CEP63: variants seen among roughly 807,000 people sequenced by gnomAD.
The protein encoded by CEP63 is centrosomal protein 63, also known as centrosomal protein of 63 kDa.
Under a neutral mutation model 89.1 loss-of-function variants are expected in CEP63, and 84 were observed. The observed-to-expected ratio is 0.94, with a 90% CI of 0.79 to 1.13. The LOEUF is 1.13. Among genes scored for constraint, CEP63 ranks in the 50% most tolerant of loss-of-function variants. The pLI is 0.00. For missense variants in CEP63, 838 were observed against 813.3 expected (o/e 1.03, Z -0.37); for synonymous variants, 267 against 272.5 (o/e 0.98, Z 0.20).
the CEP63 span, among the ~76,000 whole-genome samples, chr3:134,653,195 T>A: frequency 6.6e-6 from 1 of 152,202 alleles, no homozygotes; most frequent in Non-Finnish European, 1.5e-5. Context: ...TTCTCTTTGG[T>A]GGGGCTTTCC....
the CEP63 span, among the ~76,000 whole-genome samples, chr3:134,735,387 T>C: frequency 6.6e-6 from 1 of 152,168 alleles, no homozygotes; most frequent in Non-Finnish European, 1.5e-5. Context: ...GTATTTTCTC[T>C]GTAAGGCACA....
At chr3:134,570,864 A>T (rs1002108136) in intron 11 of CEP63, among the ~76,000 whole-genome samples, 8 of 152,218 alleles carry the variant, frequency 5.3e-5, no homozygotes, top group Non-Finnish European at 8.8e-5. Flanking sequence ...CCTCACAATC[A>T]TGGCAGAAGG....
chr3:134,510,658 T>C, intron 3 of CEP63: 1 of 643,728 alleles, frequency 1.6e-6, no homozygotes, highest in South Asian at 1.5e-5. Context: ...TCTCCCTTCT[T>C]GCATTTCTGG....
At chr3:134,561,286 A>G (rs1957297256) in intron 14 of CEP63, 91 bp from the exon 15 acceptor site, 1 of 1,292,030 alleles carries the variant, frequency 7.7e-7, no homozygotes, top group South Asian at 1.2e-5. Context: ...TCACCTTTTA[A>G]TATTGCTAGT....
the CEP63 span, among the ~76,000 whole-genome samples, chr3:134,685,760 C>G: frequency 6.6e-6 from 1 of 152,194 alleles, no homozygotes; most frequent in African/African-American, 2.4e-5. Flanking sequence ...TCCATCAGAA[C>G]AGTTACCAGG....
At chr3:134,687,333 A>G in the CEP63 span, among the ~76,000 whole-genome samples, 1 of 152,224 alleles carries the variant, frequency 6.6e-6, no homozygotes, top group South Asian at 2.1e-4. Flanking sequence ...TTCTCTGGAA[A>G]ACATATGGAG....
chr3:134,589,916 C>T (rs1326650137), downstream of CEP63, among the ~76,000 whole-genome samples: 1 of 152,046 alleles, frequency 6.6e-6, no homozygotes, highest in African/African-American at 2.4e-5. Context: ...ACTATGAAGC[C>T]ATAAAAAAGC....
downstream of CEP63, among the ~76,000 whole-genome samples, chr3:134,565,246 C>G (rs1957702326): frequency 6.6e-6 from 1 of 152,170 alleles, no homozygotes; most frequent in African/African-American, 2.4e-5. Context: ...GTTGACTTCC[C>G]ACTGTGGGCT....
the CEP63 span, among the ~76,000 whole-genome samples, chr3:134,769,164 T>C: frequency 1.3e-5 from 2 of 152,178 alleles, no homozygotes; most frequent in African/African-American, 2.4e-5. Context: ...TAATTGATTG[T>C]ATGTCTCAAG....
At chr3:134,683,162 T>C in the CEP63 span, among the ~76,000 whole-genome samples, 17 of 152,270 alleles carry the variant, frequency 1.1e-4, no homozygotes, top group African/African-American at 3.6e-4. Flanking sequence ...ATCTGCACCA[T>C]GAATGCCATT....
chr3:134,613,686 A>G, the CEP63 span, among the ~76,000 whole-genome samples: 3 of 152,242 alleles, frequency 2.0e-5, no homozygotes, highest in Non-Finnish European at 2.9e-5. Flanking sequence ...TTATAAGCTT[A>G]TGCCATGCTT....
At chr3:134,602,669 T>C in the CEP63 span, among the ~76,000 whole-genome samples, 1 of 152,064 alleles carries the variant, frequency 6.6e-6, no homozygotes, top group Non-Finnish European at 1.5e-5. Flanking sequence ...CTCTGGAGGC[T>C]CTCTGTGGAG....
At chr3:134,497,937 T>A (rs1453977194) in intron 2 of CEP63, among the ~76,000 whole-genome samples, 1 of 152,208 alleles carries the variant, frequency 6.6e-6, no homozygotes, top group African/African-American at 2.4e-5. Context: ...GTTTCTGCTT[T>A]TATACTAATA....
the CEP63 span, among the ~76,000 whole-genome samples, chr3:134,623,597 C>G: frequency 6.6e-6 from 1 of 150,824 alleles, no homozygotes; most frequent in Non-Finnish European, 1.5e-5. Context: ...CTGCTCATGT[C>G]TAGCCTCCCC....
chr3:134,667,787 T>A, the CEP63 span, among the ~76,000 whole-genome samples: 1 of 152,102 alleles, frequency 6.6e-6, no homozygotes. Context: ...TCTGGGTAGG[T>A]GACCAAGACC....
the CEP63 span, among the ~76,000 whole-genome samples, chr3:134,729,963 C>G: frequency 6.6e-6 from 1 of 151,994 alleles, no homozygotes; most frequent in Non-Finnish European, 1.5e-5. Flanking sequence ...AAAGTGCTTG[C>G]AAAAAAGGAA....
chr3:134,680,517 G>A, the CEP63 span, among the ~76,000 whole-genome samples: 2 of 152,196 alleles, frequency 1.3e-5, no homozygotes, highest in African/African-American at 4.8e-5. Context: ...GGGGCAATAA[G>A]TAGACTTTAC....
At chr3:134,576,917 C>A (rs1958226718), downstream of CEP63, among the ~76,000 whole-genome samples, 1 of 152,140 alleles carries the variant, frequency 6.6e-6, no homozygotes, top group Non-Finnish European at 1.5e-5. Context: ...TTTTTTAATG[C>A]CATTTTCCTG....
At chr3:134,498,029 C>G (rs1167582050) in intron 2 of CEP63, among the ~76,000 whole-genome samples, 1 of 152,092 alleles carries the variant, frequency 6.6e-6, no homozygotes, top group Admixed American at 6.5e-5. Flanking sequence ...TCCTTTTGAT[C>G]AAGATTCCTT....
Sources: gnomAD v4.1 joint callset for allele counts (sites outside exome capture counted in the v4.1 genomes callset) on GRCh38, gnomAD v4.1.1 for gene constraint, MANE v1.5 for transcripts, NCBI Gene and HGNC (gene_info 2026-07-23, HGNC 2026-07-21) for gene names.